The following DKK4 variants were observed in gnomAD, a reference collection of about 807,000 sequenced individuals.
The protein encoded by DKK4 is dickkopf-related protein 4.
Under a neutral mutation model 14.5 loss-of-function variants are expected in DKK4, and 15 were observed. The observed-to-expected ratio is 1.03, with a 90% CI of 0.69 to 1.59. DKK4 has a LOEUF of 1.59. DKK4 is among the 40% of genes most tolerant of loss of function. DKK4 has a pLI of 0.00. For missense variants in DKK4, 272 were observed against 280.3 expected, an observed-to-expected ratio of 0.97 and a Z score of 0.21; for synonymous variants, 89 against 105.2, an observed-to-expected ratio of 0.85 and a Z score of 0.94.
At chr8:42,383,408 G>A in the DKK4 span, among the ~76,000 whole-genome samples, 1 of 152,262 alleles carries the variant, frequency 6.6e-6, no homozygotes, top group Non-Finnish European at 1.5e-5. Flanking sequence ...GGGAGATTGG[G>A]CTGGCATCTG....
At chr8:42,379,516 A>T (rs1177172687), upstream of DKK4, among the ~76,000 whole-genome samples, 1 of 150,976 alleles carries the variant, frequency 6.6e-6, no homozygotes, top group Non-Finnish European at 1.5e-5. Context: ...ACATGTACAT[A>T]TGGATGATTT....
chr8:42,385,662 C>A, the DKK4 span, among the ~76,000 whole-genome samples: 1 of 152,032 alleles, frequency 6.6e-6, no homozygotes, highest in African/African-American at 2.4e-5. Flanking sequence ...ATTCAGAAGG[C>A]CCAGCACAAA....
At chr8:42,375,530 A>C in intron 2 of DKK4, 150 bp downstream of exon 2, 1 of 1,077,354 alleles carries the variant, frequency 9.3e-7, no homozygotes, top group Non-Finnish European at 1.3e-6. Flanking sequence ...AAAAAAAAAA[A>C]AAAGGAAAAG....
chr8:42,385,396 AAAG>A, the DKK4 span, among the ~76,000 whole-genome samples: 3 of 152,152 alleles, frequency 2.0e-5, no homozygotes, highest in African/African-American at 7.2e-5. Flanking sequence ...CGTCTCAAAA[AAAG>A]AGAAAAAAAA....
chr8:42,375,926 C>G, intron 1 of DKK4, 96 bp from the exon 2 acceptor site: 1 of 1,471,174 alleles, frequency 6.8e-7, no homozygotes. Context: ...AGCCAAAGGA[C>G]AGTGGCGCTG....
At chr8:42,384,281 T>C in the DKK4 span, among the ~76,000 whole-genome samples, 2 of 152,226 alleles carry the variant, frequency 1.3e-5, no homozygotes, top group East Asian at 3.9e-4. Flanking sequence ...GTAGCTGGGA[T>C]TATAGGTGCA....
chr8:42,374,432 A>C, intron 3 of DKK4, 73 bp from the exon 4 acceptor site: 1 of 1,580,818 alleles, frequency 6.3e-7, no homozygotes, highest in Admixed American at 1.8e-5. Flanking sequence ...TACTGGGATA[A>C]GGGAATGGGA....
At chr8:42,383,664 C>T in the DKK4 span, among the ~76,000 whole-genome samples, 12 of 152,142 alleles carry the variant, frequency 7.9e-5, no homozygotes, top group African/African-American at 1.4e-4. Context: ...TCAGGTTGGC[C>T]GGGCACGGTG....
At chr8:42,378,756 G>A (rs1435658457), upstream of DKK4, among the ~76,000 whole-genome samples, 1 of 151,934 alleles carries the variant, frequency 6.6e-6, no homozygotes, top group Admixed American at 6.6e-5. Context: ...CAGCCACTGA[G>A]CACTTAGAGC....
chr8:42,381,425 T>C (rs1359533034), upstream of DKK4, among the ~76,000 whole-genome samples: 1 of 152,198 alleles, frequency 6.6e-6, no homozygotes, highest in East Asian at 1.9e-4. Flanking sequence ...CTCTCCGTTT[T>C]GCCTCTGAGA....
At chr8:42,379,997 C>T (rs1335204938), upstream of DKK4, among the ~76,000 whole-genome samples, 3 of 152,044 alleles carry the variant, frequency 2.0e-5, no homozygotes, top group Non-Finnish European at 4.4e-5. Flanking sequence ...CCACTTGAGG[C>T]CAGGGAGCAG....
Position 42,377,004 on chromosome 8 carries a change from A to C in DKK4, c.42T>G (p.Ser14=). 6.2e-7 allele frequency: 1 copy of C among 1,613,590 alleles called. No individual in the cohort carries two copies. Among genetic ancestry groups the C allele is most frequent in the Non-Finnish European group, 8.5e-7 (1 of 1,180,022 alleles). The change falls in exon 1 of 4, where the codon TCT becomes TCG. Residue 14 remains serine (S), a synonymous_variant. Transcript: ENST00000220812. ...AVLLGLSWLC[S]PLGALVLDFN... is the part of the protein sequence containing the mutation. ...AGTCCAGGACCAGAGCTCCCAGGGG[A>C]GAGCAGAGCCAGCTCAGCCCCAGCA...
chr8:42,374,113 A>AT lies in DKK4; in HGVS notation c.661dup (p.Ile221AsnfsTer10). On this transcript the variant is annotated frameshift_variant, in exon 4 of 4. Coordinates refer to ENST00000220812, the MANE Select transcript of DKK4 (RefSeq NM_014420.3). LOFTEE classifies it high-confidence loss of function. ...ATTTTGAAATATTTATAGCTTTTCTATTTTTTGGCATACTCTTAATCGAGC... is the reference window on the plus strand; with the variant it reads ...ATTTTGAAATATTTATAGCTTTTCTATTTTTTTGGCATACTCTTAATCGAGC... The AT allele has an allele frequency of 6.2e-7, 1 of 1,611,450 alleles. No homozygotes were observed. Among genetic ancestry groups the AT allele is most frequent in the Non-Finnish European group, 8.5e-7 (1 of 1,179,794 alleles).
the DKK4 span, among the ~76,000 whole-genome samples, chr8:42,384,850 C>T: frequency 6.6e-6 from 1 of 152,192 alleles, no homozygotes; most frequent in Non-Finnish European, 1.5e-5. Flanking sequence ...TTCCAAACAC[C>T]AAGTTGATGA....
At chr8:42,384,630 C>A in the DKK4 span, among the ~76,000 whole-genome samples, 2 of 152,098 alleles carry the variant, frequency 1.3e-5, no homozygotes, top group African/African-American at 4.8e-5. Context: ...GCAGCTGAAG[C>A]CTCTCTCTTG....
the DKK4 span, among the ~76,000 whole-genome samples, chr8:42,384,145 C>G: frequency 2.0e-5 from 3 of 152,032 alleles, no homozygotes; most frequent in Non-Finnish European, 4.4e-5. Flanking sequence ...AGATGCAGAC[C>G]AAACTGGGTC....
chr8:42,379,372 TATATATAGAGAGAGAGAGAGAGAG>T (rs1435913893), upstream of DKK4, among the ~76,000 whole-genome samples: 1 of 50,616 alleles, frequency 2.0e-5, no homozygotes, highest in African/African-American at 8.3e-5. Flanking sequence ...TATATATATA[TATATATAGAGAGAGAGAGAGAGAG>T]AGAGAGAGAG....
the DKK4 span, among the ~76,000 whole-genome samples, chr8:42,389,388 T>C: frequency 6.6e-6 from 1 of 152,222 alleles, no homozygotes; most frequent in Non-Finnish European, 1.5e-5. Flanking sequence ...CAAATTCAGC[T>C]CTTTGGACTC....
chr8:42,379,260 A>G (rs1206023342), upstream of DKK4, among the ~76,000 whole-genome samples: 2 of 147,710 alleles, frequency 1.4e-5, no homozygotes, highest in African/African-American at 5.0e-5. Context: ...CAAAAAAAAA[A>G]AAAATTAGCC....
Sources: allele counts gnomAD v4.1 joint callset (sites outside exome capture counted in the v4.1 genomes callset), GRCh38; gene constraint gnomAD v4.1.1; transcripts MANE v1.5; gene names NCBI Gene and HGNC (gene_info 2026-07-23, HGNC 2026-07-21).